The following CETP variants were observed in gnomAD, a reference collection of about 807,000 sequenced individuals.
CETP encodes cholesteryl ester transfer protein.
A neutral mutation model predicts 66.5 loss-of-function variants in CETP; 56 were observed. The ratio of observed to expected loss-of-function variants is 0.84; its 90% CI spans 0.68 to 1.05. The LOEUF (loss-of-function observed/expected upper bound fraction) is 1.05. Among genes scored for constraint, CETP ranks in the 50% least tolerant of loss-of-function variants. The pLI is 0.00. For missense variants in CETP, 612 were observed against 609.6 expected (o/e 1.00, Z -0.04); for synonymous variants, 251 against 245.7 (o/e 1.02, Z -0.20).
intron 2 of CETP, among the ~76,000 whole-genome samples, chr16:56,965,624 C>T (rs1046664943): frequency 5.3e-5 from 8 of 152,170 alleles, no homozygotes; most frequent in Non-Finnish European, 8.8e-5. Context: ...GAGGATTAAA[C>T]CAGGAAATGT....
intron 2 of CETP, 93 bp from the exon 3 acceptor site, chr16:56,969,293 A>C: frequency 6.5e-6 from 10 of 1,541,228 alleles, no homozygotes; most frequent in Non-Finnish European, 8.9e-6. Context: ...CCATGATTCT[A>C]TCTTCCACCC....
chr16:56,982,993 A>C (rs1268469922), intron 14 of CETP, among the ~76,000 whole-genome samples: 1 of 152,146 alleles, frequency 6.6e-6, no homozygotes, highest in Non-Finnish European at 1.5e-5. Flanking sequence ...TGCAAAGAAC[A>C]CTTTGAGAAG....
At chr16:56,969,882 C>T (rs769561732) in intron 4 of CETP, 32 bp from the exon 5 acceptor site, 55 of 1,608,598 alleles carry the variant, frequency 3.4e-5, no homozygotes, top group Non-Finnish European at 3.0e-5. Context: ...ATAGCGGAGG[C>T]TGCCCTGAGG....
intron 11 of CETP, among the ~76,000 whole-genome samples, chr16:56,980,702 T>A (rs1463101510): frequency 3.9e-5 from 6 of 152,046 alleles, no homozygotes; most frequent in Admixed American, 3.9e-4. Context: ...GGTGGGTGGA[T>A]CACATGGTCA....
chr16:56,981,774 C>A, intron 13 of CETP, 94 bp downstream of exon 13: 1 of 1,267,314 alleles, frequency 7.9e-7, no homozygotes, highest in Non-Finnish European at 1.2e-6. Context: ...AATCAGGCAA[C>A]CAGACCAAAA....
intron 11 of CETP, among the ~76,000 whole-genome samples, chr16:56,979,255 G>T (rs2056171314): frequency 6.6e-6 from 1 of 152,204 alleles, no homozygotes; most frequent in South Asian, 2.1e-4. Context: ...GTAGTATAGT[G>T]TATAGACACT....
intron 9 of CETP, among the ~76,000 whole-genome samples, chr16:56,974,757 G>T (rs2056137554): frequency 6.6e-6 from 1 of 152,208 alleles, no homozygotes; most frequent in South Asian, 2.1e-4. Context: ...TGGCCCCAAA[G>T]CCTGTACTCT....
chr16:56,963,110 G>A lies in CETP; in HGVS notation c.219G>A (p.Lys73=). The change falls in exon 2 of 16, where the codon AAG becomes AAA. Residue 73 remains lysine, a synonymous_variant. Transcript: ENST00000200676. Reference sequence around the variant, plus strand: ...CCATGATGCTCCTTGGCCAAGTCAAGTATGGGTTGCACAAGTGAGTCGGGC... The same window carrying A: ...CCATGATGCTCCTTGGCCAAGTCAAATATGGGTTGCACAAGTGAGTCGGGC... ...EKAMMLLGQV[K]YGLHNIQISH... 1.9e-6 allele frequency: 3 copies of A among 1,613,828 alleles called. No individual in the cohort carries two copies. The highest frequency in any genetic ancestry group is 1.7e-6 in the Non-Finnish European group (2 of 1,179,908).
chr16:56,974,151 T>C (rs978386793), intron 9 of CETP, among the ~76,000 whole-genome samples: 2 of 152,186 alleles, frequency 1.3e-5, no homozygotes, highest in Non-Finnish European at 2.9e-5. Context: ...TCTTTCTTTT[T>C]CTGAGTATAA....
Position 56,972,070 on chromosome 16 carries a change from A to G in CETP, c.737A>G (p.Glu246Gly). 6.2e-7 allele frequency: 1 copy of G among 1,613,484 alleles called. No homozygotes were observed. Among genetic ancestry groups the G allele is most frequent in the Non-Finnish European group, 8.5e-7 (1 of 1,179,432 alleles). ...CCCGTCATCACAGCCTCCTACCTGGAGTCCCATCACAAGGTAGGAGTTGTG... is the reference window on the plus strand; with the variant it reads ...CCCGTCATCACAGCCTCCTACCTGGGGTCCCATCACAAGGTAGGAGTTGTG... ...GDPVITASYL[E>G]SHHKGHFIYK... Residue 246 changes from glutamate to glycine, a missense_variant, in exon 8 of 16, where the codon GAG (glutamate) becomes GGG (glycine). Physicochemically the swap from Glu to Gly is moderately conservative, Grantham distance 98. Transcript: ENST00000200676.
intron 10 of CETP, 115 bp from the exon 11 acceptor site, chr16:56,977,976 C>T (rs2056161399): frequency 1.5e-6 from 2 of 1,317,822 alleles, no homozygotes; most frequent in Non-Finnish European, 2.1e-6. Flanking sequence ...GAGCTACTTC[C>T]TTTTCCCCAG....
Position 56,983,579 on chromosome 16 carries a change from C to T in CETP, c.1408-13C>T, listed in dbSNP as rs940920498. On this transcript the variant is annotated splice_polypyrimidine_tract_variant and intron_variant, in intron 15 of 15. Transcript: ENST00000200676. ...CCCAGCTCGCCCCTCTCTCCTACTG[C>T]CCCTCCCTTCAGGGCTTCCTGCTGC... 1 of 1,614,110 alleles carries T rather than the reference C, an allele frequency of 6.2e-7. No individual in the cohort carries two copies. Among genetic ancestry groups the T allele is most frequent in the Non-Finnish European group, 8.5e-7 (1 of 1,179,966 alleles).
chr16:56,962,516 C>T (rs1402653408), intron 1 of CETP: 1 of 402,986 alleles, frequency 2.5e-6, no homozygotes, highest in African/African-American at 2.1e-5. Context: ...GAGGCTCCAT[C>T]ACTGACTGTT....
intron 2 of CETP, among the ~76,000 whole-genome samples, chr16:56,964,412 A>G (rs570260208): frequency 6.6e-6 from 1 of 152,304 alleles, no homozygotes; most frequent in African/African-American, 2.4e-5. Flanking sequence ...ACAAACACGG[A>G]AACAGGAGCC....
chr16:56,969,135 T>A (rs1202466952), intron 2 of CETP, among the ~76,000 whole-genome samples: 1 of 152,100 alleles, frequency 6.6e-6, no homozygotes, highest in African/African-American at 2.4e-5. Context: ...ACCACCCAGA[T>A]AACCTAGGAT....
chr16:56,980,011 A>C (rs571792602), intron 11 of CETP, among the ~76,000 whole-genome samples: 27 of 152,144 alleles, frequency 1.8e-4, no homozygotes, highest in Non-Finnish European at 3.7e-4. Flanking sequence ...TATTTGAATA[A>C]AAGTTGCAAA....
chr16:56,974,741 A>C (rs1335186122), intron 9 of CETP, among the ~76,000 whole-genome samples: 1 of 152,240 alleles, frequency 6.6e-6, no homozygotes, highest in East Asian at 1.9e-4. Context: ...CACAGCCTGT[A>C]AGAGGTGGCC....
intron 2 of CETP, among the ~76,000 whole-genome samples, chr16:56,967,544 A>C (rs1191758016): frequency 6.6e-6 from 1 of 151,724 alleles, no homozygotes; most frequent in East Asian, 1.9e-4. Flanking sequence ...AATTTCAGCT[A>C]CTAGGGAGGC....
intron 2 of CETP, among the ~76,000 whole-genome samples, chr16:56,963,716 C>T (rs2056042827): frequency 6.6e-6 from 1 of 152,144 alleles, no homozygotes. Context: ...GTCACTTAGG[C>T]TGGAGTGCAG....
Sources: allele counts gnomAD v4.1 joint callset (sites outside exome capture counted in the v4.1 genomes callset), GRCh38; gene constraint gnomAD v4.1.1; transcripts MANE v1.5; gene names NCBI Gene and HGNC (gene_info 2026-07-23, HGNC 2026-07-21).